Variants in STK3 observed in about 807,000 individuals in gnomAD.
The protein encoded by STK3 is serine/threonine kinase 3, also known as serine/threonine-protein kinase 3.
In STK3, 41 loss-of-function variants were observed where a neutral mutation model predicts 58.0. The ratio of observed to expected loss-of-function variants is 0.71; its 90% CI spans 0.55 to 0.92. STK3 has a LOEUF of 0.92. Among genes scored for constraint, STK3 ranks in the 40% least tolerant of loss-of-function variants. The pLI is 0.00. For missense variants in STK3, 479 were observed against 602.7 expected (o/e 0.79, Z 2.15); for synonymous variants, 170 against 191.0 (o/e 0.89, Z 0.91).
At chr8:98,426,849 A>G (rs1358901903) in intron 3 of STK3, among the ~76,000 whole-genome samples, 1 of 151,950 alleles carries the variant, frequency 6.6e-6, no homozygotes, top group Non-Finnish European at 1.5e-5. Context: ...CCGGGGGCGC[A>G]AGGTGGTCGC....
At chr8:98,896,770 G>C (rs766910817) in intron 1 of STK3, among the ~76,000 whole-genome samples, 1 of 152,064 alleles carries the variant, frequency 6.6e-6, no homozygotes, top group Non-Finnish European at 1.5e-5. Flanking sequence ...CTTGAGGTCA[G>C]GAGTTTGAGA....
At chr8:98,499,150 C>T (rs1823379705) in intron 10 of STK3, among the ~76,000 whole-genome samples, 1 of 152,034 alleles carries the variant, frequency 6.6e-6, no homozygotes, top group African/African-American at 2.4e-5. Flanking sequence ...GAGAAAAGGG[C>T]TATGAACCAA....
At chr8:98,465,049 C>A (rs978992723) in intron 10 of STK3, among the ~76,000 whole-genome samples, 1 of 152,130 alleles carries the variant, frequency 6.6e-6, no homozygotes, top group African/African-American at 2.4e-5. Context: ...AGGAAGAATA[C>A]GGTTTCTCAT....
intron 6 of STK3, among the ~76,000 whole-genome samples, chr8:98,616,911 A>G (rs1370060242): frequency 6.6e-6 from 1 of 152,040 alleles, no homozygotes; most frequent in African/African-American, 2.4e-5. Flanking sequence ...AACGAGACAG[A>G]AAGTCAACAA....
At chr8:98,632,372 A>T (rs1819324389) in intron 6 of STK3, among the ~76,000 whole-genome samples, 1 of 152,214 alleles carries the variant, frequency 6.6e-6, no homozygotes, top group Non-Finnish European at 1.5e-5. Flanking sequence ...AAACTATATA[A>T]TTAAGCACAG....
At chr8:98,928,555 T>A (rs765139956) in intron 1 of STK3, among the ~76,000 whole-genome samples, 3 of 152,222 alleles carry the variant, frequency 2.0e-5, no homozygotes, top group Non-Finnish European at 4.4e-5. Context: ...GTTTGAAGTA[T>A]CCTTTCTAGG....
chr8:98,444,712 C>T (rs764396257), intron 1 of STK3, among the ~76,000 whole-genome samples: 6 of 152,170 alleles, frequency 3.9e-5, no homozygotes, highest in African/African-American at 1.4e-4. Context: ...TCATGTTGAA[C>T]TTGAGGTACG....
chr8:98,782,609 G>A, intron 1 of STK3: 1 of 250,744 alleles, frequency 4.0e-6, no homozygotes, highest in Non-Finnish European at 8.1e-6. Context: ...TTTGTCCAAG[G>A]AGGAAGAGAC....
upstream of STK3, among the ~76,000 whole-genome samples, chr8:98,829,862 A>G (rs1835461455): frequency 6.6e-6 from 1 of 152,208 alleles, no homozygotes; most frequent in Non-Finnish European, 1.5e-5. Context: ...ATAAAAAAGT[A>G]CCTAATGGGT....
chr8:98,617,834 GAA>G (rs1817892333), intron 6 of STK3, among the ~76,000 whole-genome samples: 1 of 151,948 alleles, frequency 6.6e-6, no homozygotes, highest in South Asian at 2.1e-4. Flanking sequence ...GTTTACCAAC[GAA>G]AAAGAGTCCA....
intron 6 of STK3, among the ~76,000 whole-genome samples, chr8:98,702,119 T>C (rs2131040188): frequency 6.6e-6 from 1 of 152,318 alleles, no homozygotes; most frequent in Admixed American, 6.5e-5. Context: ...GAAAAAGTTG[T>C]ATGGAAACTA....
At chr8:98,677,368 C>T in intron 6 of STK3, among the ~76,000 whole-genome samples, 1 of 140,030 alleles carries the variant, frequency 7.1e-6, no homozygotes, top group Non-Finnish European at 1.5e-5. Context: ...CAACTTACTC[C>T]TCTTCTTGGC....
intron 6 of STK3, among the ~76,000 whole-genome samples, chr8:98,694,343 G>A (rs1259445756): frequency 6.6e-6 from 1 of 151,686 alleles, no homozygotes; most frequent in South Asian, 2.1e-4. Flanking sequence ...CTTTTTTTAG[G>A]CTAAAATAAT....
intron 6 of STK3, among the ~76,000 whole-genome samples, chr8:98,626,603 A>G (rs1818738809): frequency 6.6e-6 from 1 of 152,234 alleles, no homozygotes; most frequent in Admixed American, 6.5e-5. Context: ...AGATGAGGCC[A>G]TCGGATTTGA....
chr8:98,369,550 G>A (rs1817592029), downstream of STK3, among the ~76,000 whole-genome samples: 3 of 152,150 alleles, frequency 2.0e-5, no homozygotes, highest in South Asian at 6.2e-4. Flanking sequence ...CAAAGGGCAG[G>A]CCTGGGATTC....
At chr8:98,711,544 A>G (rs1454050570) in intron 4 of STK3, among the ~76,000 whole-genome samples, 2 of 152,242 alleles carry the variant, frequency 1.3e-5, no homozygotes, top group African/African-American at 4.8e-5. Context: ...GTGATGGAAG[A>G]TCAAATGAAT....
chr8:98,917,456 C>T (rs1014441613), intron 1 of STK3, among the ~76,000 whole-genome samples: 1 of 152,126 alleles, frequency 6.6e-6, no homozygotes, highest in African/African-American at 2.4e-5. Context: ...ATCTTTAAAT[C>T]CTAACCCCCA....
intron 6 of STK3, among the ~76,000 whole-genome samples, chr8:98,645,922 A>G (rs1261733397): frequency 6.6e-6 from 1 of 151,990 alleles, no homozygotes; most frequent in Non-Finnish European, 1.5e-5. Flanking sequence ...CCCACCTCGA[A>G]CTCCCAAAGT....
At chr8:98,662,598 T>A (rs1169715550) in intron 6 of STK3, among the ~76,000 whole-genome samples, 1 of 152,184 alleles carries the variant, frequency 6.6e-6, no homozygotes, top group South Asian at 2.1e-4. Context: ...GTTTTGCAAA[T>A]GTGTTATGAA....
Sources: gnomAD v4.1 joint callset for allele counts (sites outside exome capture counted in the v4.1 genomes callset) on GRCh38, gnomAD v4.1.1 for gene constraint, MANE v1.5 for transcripts, NCBI Gene and HGNC (gene_info 2026-07-23, HGNC 2026-07-21) for gene names.